The following MACROD2 variants were observed in gnomAD, a reference collection of about 807,000 sequenced individuals.
MACROD2 encodes mono-ADP ribosylhydrolase 2.
In MACROD2, 36 loss-of-function variants were observed where a neutral mutation model predicts 70.4. That is an observed-to-expected ratio of 0.51 (90% CI 0.39 to 0.68). MACROD2 has a LOEUF of 0.68. Among genes scored for constraint, MACROD2 ranks in the 30% least tolerant of loss-of-function variants. MACROD2 has a pLI of 0.00. For missense variants in MACROD2, 496 were observed against 538.4 expected (o/e 0.92, Z 0.78); for synonymous variants, 172 against 178.8 (o/e 0.96, Z 0.30).
chr20:15,434,591 C>T (rs1340328001), intron 7 of MACROD2, among the ~76,000 whole-genome samples: 1 of 152,080 alleles, frequency 6.6e-6, no homozygotes, highest in Non-Finnish European at 1.5e-5. Flanking sequence ...TTAGTACAAC[C>T]ATTATGGAAA....
At chr20:15,023,453 G>A (rs573625269) in intron 5 of MACROD2, among the ~76,000 whole-genome samples, 87 of 152,176 alleles carry the variant, frequency 5.7e-4, no homozygotes, top group African/African-American at 2.0e-3. Flanking sequence ...GAAGCAGCAC[G>A]GGCTAGGCTG....
At chr20:15,934,667 T>C (rs1247381179) in intron 11 of MACROD2, among the ~76,000 whole-genome samples, 1 of 151,414 alleles carries the variant, frequency 6.6e-6, no homozygotes, top group Non-Finnish European at 1.5e-5. Flanking sequence ...TCCCAAACTG[T>C]TTTTTTTGTT....
chr20:15,937,676 A>G, intron 12 of MACROD2, 132 bp downstream of exon 12: 1 of 686,862 alleles, frequency 1.5e-6, no homozygotes, highest in Non-Finnish European at 2.5e-6. Context: ...TTCCAATATA[A>G]TTGACTACAC....
At chr20:15,088,457 T>G (rs866988515) in intron 5 of MACROD2, among the ~76,000 whole-genome samples, 6 of 123,498 alleles carry the variant, frequency 4.9e-5, no homozygotes, top group African/African-American at 1.0e-4. Flanking sequence ...ATATAATATT[T>G]TGTGTGTGTG....
intron 10 of MACROD2, among the ~76,000 whole-genome samples, chr20:15,912,036 A>G (rs2065245813): frequency 6.6e-6 from 1 of 152,256 alleles, no homozygotes. Context: ...AACAACAAAA[A>G]TAATTGCATG....
At chr20:14,762,669 C>T (rs1352333184) in intron 5 of MACROD2, among the ~76,000 whole-genome samples, 3 of 152,022 alleles carry the variant, frequency 2.0e-5, no homozygotes. Context: ...GTGGCTCATG[C>T]CTGTAATCCT....
chr20:14,025,126 A>T (rs557393914), intron 2 of MACROD2, among the ~76,000 whole-genome samples: 2 of 152,204 alleles, frequency 1.3e-5, no homozygotes, highest in South Asian at 2.1e-4. Flanking sequence ...GAATTTCTCC[A>T]TTTCTTCTAG....
intron 3 of MACROD2, among the ~76,000 whole-genome samples, chr20:14,419,049 T>TG (rs2083844233): frequency 2.0e-5 from 3 of 152,030 alleles, no homozygotes; most frequent in Non-Finnish European, 2.9e-5. Flanking sequence ...TTAGGATTTT[T>TG]TTTGTTTTGT....
intron 3 of MACROD2, among the ~76,000 whole-genome samples, chr20:14,475,104 C>T (rs2084575654): frequency 6.6e-6 from 1 of 150,754 alleles, no homozygotes; most frequent in African/African-American, 2.4e-5. Context: ...TTCCTTGTTT[C>T]TTATTTGTAT....
chr20:16,010,772 C>T (rs1259983425), intron 15 of MACROD2, among the ~76,000 whole-genome samples: 1 of 152,124 alleles, frequency 6.6e-6, no homozygotes, highest in Non-Finnish European at 1.5e-5. Context: ...TCACTTTGTA[C>T]CAAGCACATT....
intron 4 of MACROD2, among the ~76,000 whole-genome samples, chr20:14,575,656 G>T (rs1024596633): frequency 6.6e-6 from 1 of 152,016 alleles, no homozygotes; most frequent in African/African-American, 2.4e-5. Context: ...CTTCTAATAA[G>T]AAAATAGTTT....
At chr20:15,405,080 G>A (rs2045981523) in intron 6 of MACROD2, among the ~76,000 whole-genome samples, 1 of 152,046 alleles carries the variant, frequency 6.6e-6, no homozygotes. Flanking sequence ...TCCAAAATAG[G>A]CAAATCCATA....
chr20:14,771,292 A>C (rs530198937), intron 5 of MACROD2, among the ~76,000 whole-genome samples: 1 of 152,146 alleles, frequency 6.6e-6, no homozygotes, highest in East Asian at 1.9e-4. Flanking sequence ...AACCTCCATA[A>C]TTACGGTAGC....
chr20:15,019,159 A>C (rs995232525), intron 5 of MACROD2, among the ~76,000 whole-genome samples: 1 of 151,954 alleles, frequency 6.6e-6, no homozygotes, highest in Non-Finnish European at 1.5e-5. Context: ...CTGAACACAC[A>C]CACACGCGCG....
intron 8 of MACROD2, among the ~76,000 whole-genome samples, chr20:15,845,780 T>C (rs752927103): frequency 2.0e-5 from 3 of 152,192 alleles, no homozygotes; most frequent in South Asian, 2.1e-4. Context: ...TCTTTGAATA[T>C]TCTGGACAAC....
At chr20:14,295,828 T>C (rs551034271) in intron 3 of MACROD2, among the ~76,000 whole-genome samples, 37 of 151,950 alleles carry the variant, frequency 2.4e-4, no homozygotes, top group African/African-American at 9.0e-4. Flanking sequence ...ATAAAACTTT[T>C]ATTGCACATG....
At chr20:15,143,569 A>G (rs2076208044) in intron 5 of MACROD2, among the ~76,000 whole-genome samples, 1 of 151,860 alleles carries the variant, frequency 6.6e-6, no homozygotes, top group South Asian at 2.1e-4. Context: ...TTGGTGTTTT[A>G]GACATGAAGT....
rs529417696 is a variant in MACROD2 at position 14,969,176 on chromosome 20, T to C, written c.419-260764T>C. ...TATCTCCAGTTTATATATATATATA[T>C]ATAAATCTGTACAGGAATAGAAAAA... On this transcript the variant is annotated intron_variant, in intron 5 of 17. Coordinates refer to ENST00000684519, the MANE Select transcript of MACROD2 (RefSeq NM_001351661.2). Among the ~76,000 whole-genome samples the C allele has an allele frequency of 3.2e-4, 48 of 151,716 alleles. 1 individual carries two copies. The South Asian group carries it at 1.0e-2, about 32-fold the overall frequency.
rs181708502 is a variant in MACROD2, at chr20:15,739,331, G to A, written c.646-123414G>A. On this transcript the variant is annotated intron_variant, in intron 8 of 17. Coordinates refer to ENST00000684519, the MANE Select transcript of MACROD2 (RefSeq NM_001351661.2). Reference sequence around the variant, plus strand: ...TGTAAATAATTTGGAGCTCACATGAGAGATAGGGGTTCAAATCTGGATTTG... The same window carrying A: ...TGTAAATAATTTGGAGCTCACATGAAAGATAGGGGTTCAAATCTGGATTTG... Among the ~76,000 whole-genome samples the A allele has an allele frequency of 2.6e-5, 4 of 152,260 alleles. No individual in the cohort carries two copies. The East Asian group carries it at 7.7e-4, about 29-fold the overall frequency.
Sources: gnomAD v4.1 joint callset for allele counts (sites outside exome capture counted in the v4.1 genomes callset) on GRCh38, gnomAD v4.1.1 for gene constraint, MANE v1.5 for transcripts, NCBI Gene and HGNC (gene_info 2026-07-23, HGNC 2026-07-21) for gene names.